PTCHD1: variants seen among roughly 807,000 people sequenced by gnomAD.
PTCHD1 encodes the protein patched domain containing 1.
Under a neutral mutation model 34.6 loss-of-function variants are expected in PTCHD1, and 3 were observed. The ratio of observed to expected loss-of-function variants is 0.09; its 90% CI spans 0.04 to 0.22. PTCHD1 has a LOEUF of 0.22. PTCHD1 is among the 10% of genes least tolerant of loss of function. The probability of loss-of-function intolerance (pLI) is 1.00; values close to 1 mark genes in which losing one functional copy is unlikely to be tolerated. For missense variants in PTCHD1, 504 were observed against 685.5 expected, an observed-to-expected ratio of 0.74 and a Z score of 2.96; for synonymous variants, 305 against 283.1, an observed-to-expected ratio of 1.08 and a Z score of -0.77.
At position 23,393,005 on chromosome X, in the gene PTCHD1, C is replaced by G; in HGVS notation, c.1487C>G (p.Thr496Ser). ...FLKRYYCDWI[T>S]NTYVKPFVVL... is the part of the protein sequence containing the mutation. ...AAACGCTATTACTGTGACTGGATAA[C>G]CAACACCTATGTCAAGCCTTTTGTA... Residue 496 changes from threonine to serine, a missense_variant, in exon 3 of 3, where the codon ACC becomes AGC. Coordinates refer to ENST00000379361, the MANE Select transcript of PTCHD1 (RefSeq NM_173495.3). 4 of 1,211,100 alleles carry G rather than the reference C, an allele frequency of 3.3e-6. No homozygotes were observed. Among genetic ancestry groups the G allele is most frequent in the Non-Finnish European group, 4.5e-6 (4 of 894,705 alleles).
intron 1 of PTCHD1, among the ~76,000 whole-genome samples, chrX:23,357,461 T>C (rs1356262162): frequency 9.0e-6 from 1 of 111,299 alleles, no homozygotes; most frequent in African/African-American, 3.3e-5. Context: ...TTATGATCAC[T>C]TTGGGAAACA....
intron 1 of PTCHD1, among the ~76,000 whole-genome samples, chrX:23,347,354 A>G (rs1921504857): frequency 8.9e-6 from 1 of 112,408 alleles, no homozygotes; most frequent in Non-Finnish European, 1.9e-5. Context: ...CTCCAGTTTA[A>G]TAATAGTGGA....
intron 1 of PTCHD1, among the ~76,000 whole-genome samples, chrX:23,374,000 G>T (rs1485785733): frequency 1.8e-5 from 2 of 110,938 alleles, no homozygotes; most frequent in Admixed American, 1.9e-4. Flanking sequence ...TTTAATGTAT[G>T]CAGCTTATTT....
At chrX:23,362,713 GT>G (rs772747982) in intron 1 of PTCHD1, among the ~76,000 whole-genome samples, 98 of 112,069 alleles carry the variant, frequency 8.7e-4, no homozygotes, top group African/African-American at 2.6e-3. Flanking sequence ...AGGCACTCTG[GT>G]TTTTAGAATT....
intron 1 of PTCHD1, among the ~76,000 whole-genome samples, chrX:23,350,060 TAAAAAAAAAAA>T (rs57194123): frequency 2.7e-4 from 11 of 40,411 alleles, no homozygotes; most frequent in Admixed American, 3.8e-4. Flanking sequence ...TTAGTGCTGT[TAAAAAAAAAAA>T]AAAAAAAAAA....
At chrX:23,348,038 T>A (rs1013982059) in intron 1 of PTCHD1, among the ~76,000 whole-genome samples, 1 of 110,990 alleles carries the variant, frequency 9.0e-6, no homozygotes, top group African/African-American at 3.3e-5. Flanking sequence ...ATGATTAATA[T>A]GTTAAGGGCT....
intron 1 of PTCHD1, among the ~76,000 whole-genome samples, chrX:23,359,426 C>T (rs1280313032): frequency 8.9e-6 from 1 of 111,759 alleles, no homozygotes; most frequent in Non-Finnish European, 1.9e-5. Flanking sequence ...AATGGGAGTT[C>T]ACTCATGATT....
At chrX:23,384,480 T>C (rs1434299206) in intron 2 of PTCHD1, among the ~76,000 whole-genome samples, 3 of 111,943 alleles carry the variant, frequency 2.7e-5, no homozygotes, top group African/African-American at 6.5e-5. Flanking sequence ...GCAGGGAAGT[T>C]TGGCTTCTTT....
In PTCHD1 at chrX:23,392,878, C is replaced by G. The variant is rs773619719; in HGVS notation, c.1360C>G (p.Pro454Ala). 18 of 1,211,702 alleles carry G rather than the reference C, an allele frequency of 1.5e-5. No homozygotes were observed. Among genetic ancestry groups the G allele is most frequent in the Non-Finnish European group, 2.0e-5 (18 of 895,274 alleles). ...AAAGCCTGAGGCATTGCAGGAGAAG[C>G]CGGCATGGTACAGGTTTCTCCTGAC... Reference protein sequence around the residue: ...VPKPEALQEKPAWYRFLLTAR... With the variant: ...VPKPEALQEKAAWYRFLLTAR... The change falls in exon 3 of 3, where the codon CCG becomes GCG. Residue 454 changes from proline to alanine, a missense_variant. Transcript: ENST00000379361.
Position 23,398,312 on chromosome X carries a change from T to C in PTCHD1, c.*4127T>C, listed in dbSNP as rs778107542. 8.9e-6 allele frequency: 1 copy of C among 111,792 alleles called. No individual in the cohort carries two copies. The highest frequency in any genetic ancestry group is 1.9e-5 in the Non-Finnish European group (1 of 53,147). The allele number at this position is 111,792 out of a possible 1,213,427, so 9.2% of individuals were successfully genotyped here. A position where few individuals can be genotyped will look rare whatever the true frequency, so the allele number is the denominator to read the frequency against. On this transcript the variant is annotated 3_prime_UTR_variant, in exon 3 of 3. Transcript: ENST00000379361. ...CTGAGAATTAGGGCTACAAATACAA[T>C]GAGTTGCCACAGAAGGTAGTTAATT...
chrX:23,394,330 G>T lies in PTCHD1; in HGVS notation c.*145G>T. The T allele has an allele frequency of 7.5e-6, 3 of 401,030 alleles. No homozygotes were observed. The highest frequency in any genetic ancestry group is 4.4e-5 in the East Asian group (1 of 22,702). The allele number at this position is 401,030 out of a possible 1,213,427, so 33.0% of individuals were successfully genotyped here. On this transcript the variant is annotated 3_prime_UTR_variant, in exon 3 of 3. Transcript: ENST00000379361. ...AAAAAAAAAAAAAAAAAAAAGGAAA[G>T]GACAGTGGGGAGAAATGGGCCTGGC...
chrX:23,343,611 C>A (rs1397650791), intron 1 of PTCHD1, among the ~76,000 whole-genome samples: 1 of 112,467 alleles, frequency 8.9e-6, no homozygotes, highest in Non-Finnish European at 1.9e-5. Flanking sequence ...TCCCACTCTT[C>A]TTAAAAGTTA....
chrX:23,342,292 ATATATATATATATATATATTT>A (rs1401497415), intron 1 of PTCHD1, among the ~76,000 whole-genome samples: 6 of 7,058 alleles, frequency 8.5e-4, no homozygotes, highest in Non-Finnish European at 1.1e-3. Flanking sequence ...ATATATATAT[ATATATATATATATATATATTT>A]TTTTTTTTTT....
At chrX:23,352,565 AGGG>A (rs981334518) in intron 1 of PTCHD1, among the ~76,000 whole-genome samples, 3 of 111,711 alleles carry the variant, frequency 2.7e-5, no homozygotes, top group African/African-American at 9.8e-5. Flanking sequence ...AGCTCATCAG[AGGG>A]GACTGGAATG....
chrX:23,363,618 C>T (rs963020267), intron 1 of PTCHD1, among the ~76,000 whole-genome samples: 1 of 112,737 alleles, frequency 8.9e-6, no homozygotes, highest in Non-Finnish European at 1.9e-5. Context: ...CTGGGTGAGG[C>T]GATGCCCCGC....
At chrX:23,360,121 T>C (rs1390722162) in intron 1 of PTCHD1, among the ~76,000 whole-genome samples, 2 of 112,110 alleles carry the variant, frequency 1.8e-5, no homozygotes, top group Middle Eastern at 4.2e-3. Flanking sequence ...TTTTTTGTTG[T>C]GTCTCTGCCA....
rs928083024 is a variant in PTCHD1, at chrX:23,352,964, C to G, written c.351+17738C>G. 2.9e-4 allele frequency among the ~76,000 whole-genome samples: 32 copies of G among 111,419 alleles called. No individual in the cohort carries two copies. The Admixed American group carries it at 3.1e-3, about 11-fold the overall frequency. On this transcript the variant is annotated intron_variant, in intron 1 of 2. Coordinates refer to ENST00000379361, the MANE Select transcript of PTCHD1 (RefSeq NM_173495.3). The stretch of plus-strand genomic sequence containing the variant: ...ACTAAAGCATGGTCTAAAGTGGGGC[C>G]CAAACTTAGGTACTTATTTGAAGCT...
rs777148189 is a variant in PTCHD1, at chrX:23,379,838, A to G, written c.599A>G (p.Lys200Arg). ...CTTGGGGGCGTCACTGTGCACAGCA[A>G]AGACCGGGTGAAATCTGCAGAGGCC... ...HQLGGVTVHS[K>R]DRVKSAEAIQ... The change falls in exon 2 of 3, where the codon AAA becomes AGA. Residue 200 changes from lysine (K) to arginine (R), a missense_variant. Coordinates refer to ENST00000379361, the MANE Select transcript of PTCHD1 (RefSeq NM_173495.3). 5 of 1,211,687 alleles carry G rather than the reference A, an allele frequency of 4.1e-6. No individual in the cohort carries two copies. Among genetic ancestry groups the G allele is most frequent in the Non-Finnish European group, 4.5e-6 (4 of 895,488 alleles).
intron 1 of PTCHD1, chrX:23,350,919 G>C (rs1288291638): frequency 6.0e-6 from 1 of 167,298 alleles, no homozygotes. Flanking sequence ...GCATATAGTA[G>C]AGGATGCAGC....
Sources: allele counts gnomAD v4.1 joint callset (sites outside exome capture counted in the v4.1 genomes callset), GRCh38; gene constraint gnomAD v4.1.1; transcripts MANE v1.5; gene names NCBI Gene and HGNC (gene_info 2026-07-23, HGNC 2026-07-21).